The following C1GALT1 variants were observed in gnomAD, a reference collection of about 807,000 sequenced individuals.
C1GALT1 encodes the protein core 1 synthase, glycoprotein-N-acetylgalactosamine 3-beta-galactosyltransferase 1, also known as glycoprotein-N-acetylgalactosamine 3-beta-galactosyltransferase 1.
A neutral mutation model predicts 31.0 loss-of-function variants in C1GALT1; 11 were observed. The ratio of observed to expected loss-of-function variants is 0.36; its 90% CI spans 0.22 to 0.59. The LOEUF (loss-of-function observed/expected upper bound fraction) is 0.59. Among genes scored for constraint, C1GALT1 ranks in the 20% least tolerant of loss-of-function variants. The pLI is 0.79. For missense variants in C1GALT1, 424 were observed against 425.2 expected (o/e 1.00, Z 0.03); for synonymous variants, 175 against 143.6 (o/e 1.22, Z -1.56).
intron 1 of C1GALT1, among the ~76,000 whole-genome samples, chr7:7,188,306 T>C (rs1780908476): frequency 6.6e-6 from 1 of 152,090 alleles, no homozygotes; most frequent in African/African-American, 2.4e-5. Flanking sequence ...TAAGGTAAAA[T>C]GAGCAGAGGA....
intron 1 of C1GALT1, among the ~76,000 whole-genome samples, chr7:7,207,563 C>T (rs565225157): frequency 6.6e-6 from 1 of 151,776 alleles, no homozygotes; most frequent in Non-Finnish European, 1.5e-5. Flanking sequence ...GTTCTTTGAG[C>T]ATTTTTCAGA....
chr7:7,217,102 G>T (rs931422823), intron 1 of C1GALT1, among the ~76,000 whole-genome samples: 3 of 152,184 alleles, frequency 2.0e-5, no homozygotes, highest in Non-Finnish European at 4.4e-5. Flanking sequence ...ATACTTACCA[G>T]TCTGATGAAT....
chr7:7,183,704 C>G lies in C1GALT1; in HGVS notation c.-18+884C>G, dbSNP rs867198418. 1.1e-4 allele frequency: 66 copies of G among 618,176 alleles called. No individual in the cohort carries two copies. In the African/African-American group the frequency reaches 1.2e-3, roughly 12 times the overall value. The allele number at this position is 618,176 out of a possible 1,614,324, so 38.3% of individuals were successfully genotyped here. A position where few individuals can be genotyped will look rare whatever the true frequency, so the allele number is the denominator to read the frequency against. ...ACCACCCCGCATTTAAAGCAAACAACAGTATCAGCAACAAAAAACCCACAC... is the reference window on the plus strand; with the variant it reads ...ACCACCCCGCATTTAAAGCAAACAAGAGTATCAGCAACAAAAAACCCACAC... On this transcript the variant is annotated intron_variant, in intron 1 of 3. Transcript: ENST00000436587.
chr7:7,163,024 C>G (rs1462411021), intron 2 of C1GALT1, among the ~76,000 whole-genome samples: 4 of 152,114 alleles, frequency 2.6e-5, no homozygotes, highest in Non-Finnish European at 5.9e-5. Flanking sequence ...AGCCCTTTGT[C>G]AGATGAGTAG....
At chr7:7,239,119 C>G (rs1023672999) in intron 3 of C1GALT1, among the ~76,000 whole-genome samples, 197 bp downstream of exon 3, 1 of 152,148 alleles carries the variant, frequency 6.6e-6, no homozygotes, top group African/African-American at 2.4e-5. Flanking sequence ...TAGCAAATAG[C>G]TATTGATGCT....
At chr7:7,179,848 T>C (rs1367849439), upstream of C1GALT1, among the ~76,000 whole-genome samples, 1 of 141,370 alleles carries the variant, frequency 7.1e-6, no homozygotes, top group South Asian at 2.4e-4. Flanking sequence ...ATCATGTCCC[T>C]GTTTCAGGTT....
intron 1 of C1GALT1, among the ~76,000 whole-genome samples, chr7:7,222,643 G>T (rs1396343559): frequency 6.6e-6 from 1 of 152,180 alleles, no homozygotes; most frequent in African/African-American, 2.4e-5. Context: ...GATTACAGAA[G>T]ACAGTTGTGG....
intron 1 of C1GALT1, among the ~76,000 whole-genome samples, chr7:7,207,335 C>CTGTTTT (rs1781786063): frequency 2.1e-5 from 1 of 47,972 alleles, no homozygotes; most frequent in Non-Finnish European, 3.8e-5. Flanking sequence ...TACTCTGTTG[C>CTGTTTT]TTTTTTTTTT....
chr7:7,224,057 TG>T (rs1173288542), intron 1 of C1GALT1, among the ~76,000 whole-genome samples: 1 of 152,168 alleles, frequency 6.6e-6, no homozygotes, highest in African/African-American at 2.4e-5. Context: ...GGATGAATCG[TG>T]TTGATTTTTA....
chr7:7,242,559 T>G (rs1476624712), intron 3 of C1GALT1, among the ~76,000 whole-genome samples: 4 of 152,078 alleles, frequency 2.6e-5, no homozygotes, highest in African/African-American at 9.7e-5. Flanking sequence ...CCCTCATTCT[T>G]TACAAAGATG....
intron 1 of C1GALT1, 118 bp downstream of exon 1, chr7:7,182,938 G>A (rs879476828): frequency 4.0e-5 from 30 of 747,956 alleles, no homozygotes; most frequent in African/African-American, 5.7e-5. Flanking sequence ...CGGGCGCGGC[G>A]GAACAGGTGT....
At chr7:7,163,842 C>G (rs1255417451) in intron 2 of C1GALT1, among the ~76,000 whole-genome samples, 1 of 151,854 alleles carries the variant, frequency 6.6e-6, no homozygotes, top group African/African-American at 2.4e-5. Context: ...GAAGAACATT[C>G]CATGCTCATG....
intron 1 of C1GALT1, among the ~76,000 whole-genome samples, chr7:7,215,884 C>T (rs559892134): frequency 6.6e-6 from 1 of 152,206 alleles, no homozygotes; most frequent in East Asian, 1.9e-4. Context: ...GAAAATCAGT[C>T]TAAGTCTCCT....
intron 1 of C1GALT1, among the ~76,000 whole-genome samples, chr7:7,215,173 C>T (rs10282249): frequency 0.088 from 13,413 of 152,150 alleles, 739 homozygotes; most frequent in East Asian, 0.15. Context: ...AGTTTGCCAC[C>T]GACTGCTTTG....
intron 3 of C1GALT1, among the ~76,000 whole-genome samples, chr7:7,241,072 G>C (rs1160934737): frequency 6.9e-6 from 1 of 145,952 alleles, no homozygotes. Flanking sequence ...TCTTAATATG[G>C]TAGATTTAAA....
intron 2 of C1GALT1, chr7:7,235,113 C>T (rs1336301387): frequency 6.6e-6 from 1 of 152,268 alleles, no homozygotes; most frequent in African/African-American, 2.4e-5. Flanking sequence ...CTCCAAGTTT[C>T]TGTCCTTTAG....
chr7:7,175,693 T>C (rs760824679), intron 2 of C1GALT1, among the ~76,000 whole-genome samples: 6 of 152,220 alleles, frequency 3.9e-5, no homozygotes, highest in African/African-American at 1.4e-4. Flanking sequence ...CTTGGGCTAC[T>C]GTAACAAAAT....
At chr7:7,179,781 A>G (rs943674435), upstream of C1GALT1, among the ~76,000 whole-genome samples, 2 of 150,268 alleles carry the variant, frequency 1.3e-5, no homozygotes, top group African/African-American at 4.9e-5. Flanking sequence ...TACACTATTA[A>G]TAGTGTCTGT....
Position 7,190,104 on chromosome 7 carries a change from TGAAGGA to T in C1GALT1, c.-18+7287_-18+7292del, listed in dbSNP as rs141803057. Among the ~76,000 whole-genome samples the T allele has an allele frequency of 1.2e-3, 184 of 152,268 alleles. 1 individual carries two copies. The highest frequency in any genetic ancestry group is 4.0e-3 in the African/African-American group (168 of 41,560). ...ACAAAGGTTAATTAGCTTGCTGCAG[TGAAGGA>T]GACTTGCACAGCAGAGGAAATGTCA... On this transcript the variant is annotated intron_variant, in intron 1 of 3. Transcript: ENST00000436587.
Sources: allele counts gnomAD v4.1 joint callset (sites outside exome capture counted in the v4.1 genomes callset), GRCh38; gene constraint gnomAD v4.1.1; transcripts MANE v1.5; gene names NCBI Gene and HGNC (gene_info 2026-07-23, HGNC 2026-07-21).